SORBS3: variants seen among roughly 807,000 people sequenced by gnomAD.
The protein encoded by SORBS3 is vinexin.
In SORBS3, 69 loss-of-function variants were observed where a neutral mutation model predicts 98.0. The observed-to-expected ratio is 0.70, with a 90% confidence interval of 0.58 to 0.86. SORBS3 has a LOEUF of 0.86. SORBS3 is among the 40% of genes least tolerant of loss of function. SORBS3 has a pLI of 0.00. For synonymous variants in SORBS3, 394 were observed against 355.4 expected (o/e 1.11, Z -1.22); for missense variants, 954 against 908.5 (o/e 1.05, Z -0.64).
In SORBS3 at chr8:22,575,720, T is replaced by C. The variant is rs1376419696; in HGVS notation, c.*992T>C. On this transcript the variant is annotated 3_prime_UTR_variant, in exon 21 of 21. Transcript: ENST00000240123. ...TGGGCAGCTGTGTGGCAAGAAGTGC[T>C]GGGAGAATGAACAGTGCCAGGCCCT... 2.0e-5 allele frequency: 3 copies of C among 152,294 alleles called. No homozygotes were observed. Among genetic ancestry groups the C allele is most frequent in the Non-Finnish European group, 4.4e-5 (3 of 68,124 alleles). The allele number at this position is 152,294 out of a possible 1,614,324, so 9.4% of individuals were successfully genotyped here.
chr8:22,554,859 G>A lies in SORBS3; in HGVS notation c.103-4G>A, dbSNP rs377576848. 31 of 1,327,362 alleles carry A rather than the reference G, an allele frequency of 2.3e-5. No individual in the cohort carries two copies. In the East Asian group the frequency reaches 9.4e-4, roughly 40 times the overall value. The allele number at this position is 1,327,362 out of a possible 1,614,324, so 82.2% of individuals were successfully genotyped here. The stretch of plus-strand genomic sequence containing the variant: ...GAGCTGCCGCTCCTGGCCCCTCCCC[G>A]CAGGTGCCCGTGATCCGGAATGGTG... On this transcript the variant is annotated splice_polypyrimidine_tract_variant and splice_region_variant and intron_variant, in intron 2 of 20. Coordinates refer to ENST00000240123, the MANE Select transcript of SORBS3 (RefSeq NM_005775.5). This position sits in a 1 kb window ranked among gnomAD's most constrained non-coding sequence, Gnocchi z 6.5.
chr8:22,553,789 G>A (rs1363591118), intron 1 of SORBS3, among the ~76,000 whole-genome samples: 1 of 152,182 alleles, frequency 6.6e-6, no homozygotes, highest in African/African-American at 2.4e-5. Flanking sequence ...CTCACCCACC[G>A]CTTCTGTCTC....
Position 22,562,045 on chromosome 8 carries a change from G to A in SORBS3, c.584+114G>A. The A allele has an allele frequency of 3.2e-6, 3 of 935,138 alleles. No homozygotes were observed. In the South Asian group the frequency reaches 4.2e-5, roughly 13 times the overall value. 57.9% of individuals were successfully genotyped at this position (935,138 alleles called of 1,614,324 possible). ...GCACAGCCTCGGAGCCCAGCCAGGAGTGGGGTCTCACTTCCGTGTCCGTCT... is the reference window on the plus strand; with the variant it reads ...GCACAGCCTCGGAGCCCAGCCAGGAATGGGGTCTCACTTCCGTGTCCGTCT... On this transcript the variant is annotated intron_variant, in intron 7 of 20. Transcript: ENST00000240123.
In SORBS3 at chr8:22,559,265, G is replaced by A. The variant is rs368940406; in HGVS notation, c.478+1073G>A. Among the ~76,000 whole-genome samples, 19 of 152,330 alleles carry A rather than the reference G, an allele frequency of 1.2e-4. No homozygotes were observed. In the South Asian group the frequency reaches 2.7e-3, roughly 22 times the overall value. The stretch of plus-strand genomic sequence containing the variant: ...GGTAGCAGTGGCCCTGGTGGGACAG[G>A]ATGAGACTCTGAATACACTGCAGTC... On this transcript the variant is annotated intron_variant, in intron 5 of 20. Coordinates refer to ENST00000240123, the MANE Select transcript of SORBS3 (RefSeq NM_005775.5).
chr8:22,554,819 G>A lies in SORBS3; in HGVS notation c.103-44G>A, dbSNP rs373940124. On this transcript the variant is annotated intron_variant, in intron 2 of 20. Coordinates refer to ENST00000240123, the MANE Select transcript of SORBS3 (RefSeq NM_005775.5). This position sits in a 1 kb window ranked among gnomAD's most constrained non-coding sequence, Gnocchi z 6.5. ...TGCCTAGTAGCCATCCCTCCCTCCCGCCCTGCTGGGCCCTGAGCTGCCGCT... is the reference window on the plus strand; with the variant it reads ...TGCCTAGTAGCCATCCCTCCCTCCCACCCTGCTGGGCCCTGAGCTGCCGCT... 2.5e-4 allele frequency: 162 copies of A among 645,838 alleles called. 8 individuals carry two copies. Among genetic ancestry groups the A allele is most frequent in the East Asian group, 7.7e-4 (19 of 24,774 alleles). 40.0% of individuals were successfully genotyped at this position (645,838 alleles called of 1,614,324 possible).
In SORBS3 at chr8:22,554,642, G is replaced by T; in HGVS notation, c.102+34G>T. On this transcript the variant is annotated intron_variant, in intron 2 of 20. Transcript: ENST00000240123. This position sits in a 1 kb window ranked among gnomAD's most constrained non-coding sequence, Gnocchi z 6.5. ...GTCAGTAGGGAGGAGGGTGTCCTGC[G>T]GGCCCGGAGTTGGTTGGGACGCTAG... 1 of 1,586,524 alleles carries T rather than the reference G, an allele frequency of 6.3e-7. No individual in the cohort carries two copies.
At chr8:22,562,232 C>T (rs1282482774) in intron 7 of SORBS3, among the ~76,000 whole-genome samples, 1 of 152,152 alleles carries the variant, frequency 6.6e-6, no homozygotes, top group Non-Finnish European at 1.5e-5. Flanking sequence ...CCCCAAAGAT[C>T]CCACCGGTCT....
Position 22,554,275 on chromosome 8 carries a change from G to A in SORBS3, c.-55-177G>A, listed in dbSNP as rs547759215. On this transcript the variant is annotated intron_variant, in intron 1 of 20. Coordinates refer to ENST00000240123, the MANE Select transcript of SORBS3 (RefSeq NM_005775.5). This position sits in a 1 kb window ranked among gnomAD's most constrained non-coding sequence, Gnocchi z 6.5. ...TGTGCCCCTGGGAGCCGGCAGGCAC[G>A]GGCAGCCTGCAGGCGGGTGCCTGGC... is the stretch of plus-strand genomic sequence containing the variant. 5.9e-5 allele frequency: 28 copies of A among 475,070 alleles called. No individual in the cohort carries two copies. The highest frequency in any genetic ancestry group is 1.3e-4 in the East Asian group (3 of 22,640). 29.4% of individuals were successfully genotyped at this position (475,070 alleles called of 1,614,324 possible). A position where few individuals can be genotyped will look rare whatever the true frequency, so the allele number is the denominator to read the frequency against.
Position 22,566,819 on chromosome 8 carries a change from T to C in SORBS3, c.1144-3T>C, listed in dbSNP as rs768748083. 7 of 1,613,828 alleles carry C rather than the reference T, an allele frequency of 4.3e-6. No homozygotes were observed. In the East Asian group the frequency reaches 1.6e-4, roughly 36 times the overall value. On this transcript the variant is annotated splice_polypyrimidine_tract_variant and splice_region_variant and intron_variant, in intron 14 of 20. Coordinates refer to ENST00000240123, the MANE Select transcript of SORBS3 (RefSeq NM_005775.5). Reference sequence around the variant, plus strand: ...AGCCCACTCTGTCCTCTCCCCTGCCTAGAGAAAGGCCGCCAGGCTCAAGTT... The same window carrying C: ...AGCCCACTCTGTCCTCTCCCCTGCCCAGAGAAAGGCCGCCAGGCTCAAGTT...
At chr8:22,564,140 G>A (rs1025433942) in intron 8 of SORBS3, 63 bp downstream of exon 8, 1 of 1,544,090 alleles carries the variant, frequency 6.5e-7, no homozygotes, top group Non-Finnish European at 8.9e-7. Flanking sequence ...AAGACCCTAT[G>A]CCACGATGTC....
upstream of SORBS3, among the ~76,000 whole-genome samples, chr8:22,548,358 A>G (rs906918926): frequency 6.6e-6 from 1 of 152,034 alleles, no homozygotes; most frequent in African/African-American, 2.4e-5. Flanking sequence ...AGCCCAGGGC[A>G]TGAAACATAG....
chr8:22,574,889 C>T lies in SORBS3; in HGVS notation c.*161C>T, dbSNP rs772710002. ...CTTTCCCTCGGACCCCCCTCGAAGC[C>T]CCCTGGACTGATTCCCACCCACGAC... On this transcript the variant is annotated 3_prime_UTR_variant, in exon 21 of 21. Transcript: ENST00000240123. 2.8e-6 allele frequency: 2 copies of T among 724,506 alleles called. No homozygotes were observed. The highest frequency in any genetic ancestry group is 5.0e-6 in the Non-Finnish European group (2 of 403,138). The allele number at this position is 724,506 out of a possible 1,614,324, so 44.9% of individuals were successfully genotyped here. A position where few individuals can be genotyped will look rare whatever the true frequency, so the allele number is the denominator to read the frequency against.
At chr8:22,570,834 G>A (rs893780092) in intron 17 of SORBS3, 76 bp from the exon 18 acceptor site, 2 of 1,361,554 alleles carry the variant, frequency 1.5e-6, no homozygotes, top group African/African-American at 2.9e-5. Context: ...AGGGTTGAAT[G>A]AGACAGCCCA....
Position 22,574,875 on chromosome 8 carries a change from A to ACC in SORBS3, c.*152_*153dup. 1.3e-6 allele frequency: 1 copy of ACC among 747,684 alleles called. No homozygotes were observed. The highest frequency in any genetic ancestry group is 2.7e-5 in the East Asian group (1 of 37,258). 46.3% of individuals were successfully genotyped at this position (747,684 alleles called of 1,614,324 possible). On this transcript the variant is annotated 3_prime_UTR_variant, in exon 21 of 21. Transcript: ENST00000240123. ...ACGACCCCCGCAGCCTTTCCCTCGG[A>ACC]CCCCCCTCGAAGCCCCCTGGACTGA...
chr8:22,566,951 A>G, intron 15 of SORBS3, 83 bp downstream of exon 15: 1 of 1,559,494 alleles, frequency 6.4e-7, no homozygotes, highest in Non-Finnish European at 8.8e-7. Flanking sequence ...ACTGGGCTGC[A>G]GTGGGCATCC....
chr8:22,563,708 C>G (rs1369963838), intron 7 of SORBS3, among the ~76,000 whole-genome samples: 1 of 152,340 alleles, frequency 6.6e-6, no homozygotes, highest in Admixed American at 6.5e-5. Flanking sequence ...TATATGTTCT[C>G]TCACCAAATC....
chr8:22,546,886 T>C (rs1333459738), intron 1 of SORBS3, among the ~76,000 whole-genome samples: 1 of 151,908 alleles, frequency 6.6e-6, no homozygotes, highest in East Asian at 1.9e-4. Flanking sequence ...AAGTGGGGAA[T>C]TGGGGATAGG....
rs1368811834 is a variant in SORBS3, at chr8:22,571,734, G to A, written c.1760G>A (p.Gly587Asp). ...AACTCCCAGAATCTTGGCACCCCTG[G>A]TCCAGCTCTGTCCCACTCTCGAGGT... ...RPQTQNLGTP[G>D]PALSHSRGPS... The change falls in exon 19 of 21, where the codon GGT becomes GAT. Residue 587 changes from glycine (G) to aspartate (D), a missense_variant. Transcript: ENST00000240123. The A allele has an allele frequency of 3.1e-6, 5 of 1,613,742 alleles. No homozygotes were observed. The highest frequency in any genetic ancestry group is 4.2e-6 in the Non-Finnish European group (5 of 1,179,800).
At chr8:22,553,731 G>A (rs995398300) in intron 1 of SORBS3, among the ~76,000 whole-genome samples, 1 of 152,192 alleles carries the variant, frequency 6.6e-6, no homozygotes, top group Non-Finnish European at 1.5e-5. Flanking sequence ...AACACCCCAG[G>A]GCACTCAGCA....
Sources: gnomAD v4.1 joint callset for allele counts (sites outside exome capture counted in the v4.1 genomes callset) on GRCh38, gnomAD v4.1.1 for gene constraint, Gnocchi (gnomAD v3.1) non-coding constraint, MANE v1.5 for transcripts, NCBI Gene and HGNC (gene_info 2026-07-23, HGNC 2026-07-21) for gene names.